Variants in DNER observed in about 807,000 individuals in gnomAD.
DNER encodes delta/notch like EGF repeat containing, also known as delta and Notch-like epidermal growth factor-related receptor.
A neutral mutation model predicts 78.2 loss-of-function variants in DNER; 33 were observed. The ratio of observed to expected loss-of-function variants is 0.42; its 90% CI spans 0.32 to 0.56. The LOEUF (loss-of-function observed/expected upper bound fraction) is 0.56. Ranked by LOEUF, DNER falls within the 20% of genes least tolerant of loss-of-function variation. The pLI is 0.11. For synonymous variants in DNER, 417 were observed against 384.8 expected (o/e 1.08, Z -0.98); for missense variants, 918 against 975.3 (o/e 0.94, Z 0.78).
intron 10 of DNER, among the ~76,000 whole-genome samples, chr2:229,393,915 A>G (rs1490940140): frequency 6.6e-6 from 1 of 152,216 alleles, no homozygotes; most frequent in African/African-American, 2.4e-5. Flanking sequence ...GACAATTTTA[A>G]GCAGTCTAAC....
At position 229,419,338 on chromosome 2, in the gene DNER, C is replaced by G. The variant is rs141731266; in HGVS notation, c.1487-1108G>C. On this transcript the variant is annotated intron_variant, in intron 8 of 12. Coordinates refer to ENST00000341772, the MANE Select transcript of DNER (RefSeq NM_139072.4). The stretch of plus-strand genomic sequence containing the variant: ...TGCAGTGAAACCAGGCCATTTTTGT[C>G]CAGCCCTGTCCAAACAATGAAAAAC... Among the ~76,000 whole-genome samples, 1,143 of 152,292 alleles carry G rather than the reference C, an allele frequency of 7.5e-3. 5 individuals are homozygous for G. The highest frequency in any genetic ancestry group is 0.011 in the Non-Finnish European group (776 of 68,024).
chr2:229,680,753 C>T (rs1330003413), intron 1 of DNER, among the ~76,000 whole-genome samples: 1 of 152,238 alleles, frequency 6.6e-6, no homozygotes, highest in Non-Finnish European at 1.5e-5. Context: ...TTACCTTTCT[C>T]AGCAATGTAA....
At chr2:229,595,169 G>A (rs6732173) in intron 1 of DNER, among the ~76,000 whole-genome samples, 14,542 of 151,992 alleles carry the variant, frequency 0.096, 1,102 homozygotes, top group African/African-American at 0.21. Flanking sequence ...CATCCTTACA[G>A]CAACCCTTTT....
At chr2:229,487,668 A>T (rs1038145569) in intron 6 of DNER, among the ~76,000 whole-genome samples, 2 of 152,272 alleles carry the variant, frequency 1.3e-5, no homozygotes, top group African/African-American at 4.8e-5. Context: ...GTAGTAAATC[A>T]AACTCTAAAG....
At chr2:229,638,310 T>A (rs978261066) in intron 1 of DNER, among the ~76,000 whole-genome samples, 2 of 152,232 alleles carry the variant, frequency 1.3e-5, no homozygotes, top group Admixed American at 6.5e-5. Context: ...TCTAATTTCA[T>A]AATTGCAGTC....
chr2:229,695,230 A>G (rs567020672), intron 1 of DNER, among the ~76,000 whole-genome samples: 1 of 152,314 alleles, frequency 6.6e-6, no homozygotes, highest in African/African-American at 2.4e-5. Flanking sequence ...AGTCTCAGGT[A>G]TGTCTTTATT....
At chr2:229,551,057 T>C (rs1696726262) in intron 4 of DNER, among the ~76,000 whole-genome samples, 1 of 152,238 alleles carries the variant, frequency 6.6e-6, no homozygotes, top group African/African-American at 2.4e-5. Context: ...TTGACACAGG[T>C]TCACTTTTCA....
At chr2:229,388,592 AATATATATATATATATATATATATATAT>A (rs56042896) in intron 10 of DNER, among the ~76,000 whole-genome samples, 196 bp from the exon 11 acceptor site, 1,299 of 58,004 alleles carry the variant, frequency 0.022, 59 homozygotes, top group South Asian at 0.052. Flanking sequence ...CTAAAAAGGA[AATATATATATATATATATATATATATAT>A]ATATATATAT....
chr2:229,447,198 A>T, intron 8 of DNER, 118 bp downstream of exon 8: 1 of 1,001,592 alleles, frequency 1.0e-6, no homozygotes, highest in Non-Finnish European at 1.5e-6. Context: ...CAAGCATACC[A>T]GTAAGTATAC....
At chr2:229,514,902 C>T (rs537008782) in intron 5 of DNER, among the ~76,000 whole-genome samples, 69 of 152,310 alleles carry the variant, frequency 4.5e-4, no homozygotes, top group African/African-American at 1.6e-3. Flanking sequence ...CTTCTGTTAA[C>T]AGAATACGGT....
At chr2:229,370,014 G>A (rs2106327693) in intron 11 of DNER, among the ~76,000 whole-genome samples, 1 of 152,290 alleles carries the variant, frequency 6.6e-6, no homozygotes, top group East Asian at 1.9e-4. Context: ...AAATGAGCCT[G>A]TCTTTCCATG....
rs1559168160 is a variant in DNER, at chr2:229,563,946, C to CCCCATCACCATCATCATCCTCAT, written c.848-16877_848-16855dup. ...CCCATCACCATTATCATCATCCTCA[C>CCCCATCACCATCATCATCCTCAT]CCCATCACCATCATCATCCTCATCC... On this transcript the variant is annotated intron_variant, in intron 4 of 12. Transcript: ENST00000341772. Among the ~76,000 whole-genome samples, 421 of 144,628 alleles carry CCCCATCACCATCATCATCCTCAT rather than the reference C, an allele frequency of 2.9e-3. 5 individuals carry two copies. Among genetic ancestry groups the CCCCATCACCATCATCATCCTCAT allele is most frequent in the African/African-American group, 0.01 (398 of 38,000 alleles). 94.9% of individuals were successfully genotyped at this position (144,628 alleles called of 152,430 possible).
chr2:229,454,862 T>C (rs1439153333), intron 7 of DNER, among the ~76,000 whole-genome samples: 1 of 152,174 alleles, frequency 6.6e-6, no homozygotes, highest in Non-Finnish European at 1.5e-5. Flanking sequence ...ACTTTTGGTA[T>C]ATTATACAGT....
intron 6 of DNER, among the ~76,000 whole-genome samples, chr2:229,504,136 A>G (rs1487973733): frequency 6.6e-6 from 1 of 152,200 alleles, no homozygotes; most frequent in African/African-American, 2.4e-5. Flanking sequence ...ACATGAGTGT[A>G]CACACACCCA....
chr2:229,507,606 T>C (rs1574875679), intron 6 of DNER, among the ~76,000 whole-genome samples: 1 of 152,304 alleles, frequency 6.6e-6, no homozygotes, highest in East Asian at 1.9e-4. Context: ...CCAAATTCTG[T>C]CTGTAGCTTT....
intron 11 of DNER, among the ~76,000 whole-genome samples, chr2:229,386,202 T>C (rs988693384): frequency 6.6e-6 from 1 of 152,058 alleles, no homozygotes; most frequent in Non-Finnish European, 1.5e-5. Context: ...ATAAACCTGA[T>C]AAAAACAAGC....
chr2:229,476,404 T>A (rs1182014251), intron 7 of DNER, among the ~76,000 whole-genome samples: 1 of 152,176 alleles, frequency 6.6e-6, no homozygotes, highest in Non-Finnish European at 1.5e-5. Flanking sequence ...AATACACAGA[T>A]ACTTCCTTAG....
chr2:229,600,528 G>A (rs924534884), intron 1 of DNER, among the ~76,000 whole-genome samples: 1 of 152,204 alleles, frequency 6.6e-6, no homozygotes, highest in Admixed American at 6.5e-5. Flanking sequence ...GGACTGGTGT[G>A]CAGCAAGTGA....
chr2:229,547,629 T>A (rs1212627229), intron 4 of DNER, among the ~76,000 whole-genome samples: 1 of 152,230 alleles, frequency 6.6e-6, no homozygotes, highest in Non-Finnish European at 1.5e-5. Flanking sequence ...TGGGTACAAA[T>A]TCTCTGTTGG....
Sources: gnomAD v4.1 joint callset for allele counts (sites outside exome capture counted in the v4.1 genomes callset) on GRCh38, gnomAD v4.1.1 for gene constraint, MANE v1.5 for transcripts, NCBI Gene and HGNC (gene_info 2026-07-23, HGNC 2026-07-21) for gene names.